ABCA13: variants seen among roughly 807,000 people sequenced by gnomAD.
ABCA13 encodes the protein ATP-binding cassette sub-family A member 13.
ABCA13 carries 476 observed loss-of-function variants against 478.7 expected under a neutral mutation model. The ratio of observed to expected loss-of-function variants is 0.99; its 90% confidence interval spans 0.92 to 1.07. The LOEUF (loss-of-function observed/expected upper bound fraction) is 1.07. Ranked by LOEUF, ABCA13 falls within the 50% of genes least tolerant of loss-of-function variation. The pLI is 0.00. For missense variants in ABCA13, 6,060 were observed against 5,910.6 expected (o/e 1.03, Z -0.83); for synonymous variants, 2,252 against 2,158.9 (o/e 1.04, Z -1.20).
At chr7:48,477,093 A>C (rs62447289) in intron 45 of ABCA13, among the ~76,000 whole-genome samples, 5,289 of 152,272 alleles carry the variant, frequency 0.035, 141 homozygotes, top group South Asian at 0.12. Context: ...GCATTTAAAG[A>C]GTCCAGAGAT....
intron 59 of ABCA13, among the ~76,000 whole-genome samples, chr7:48,624,013 C>G (rs1162487018): frequency 1.3e-5 from 2 of 151,176 alleles, no homozygotes; most frequent in Non-Finnish European, 2.9e-5. Flanking sequence ...TGAAAGAGCC[C>G]TATATGGTAT....
At chr7:48,251,965 T>C (rs906599393) in intron 15 of ABCA13, among the ~76,000 whole-genome samples, 1 of 152,174 alleles carries the variant, frequency 6.6e-6, no homozygotes, top group African/African-American at 2.4e-5. Context: ...CACTTTGTCT[T>C]TGACTTTCAA....
chr7:48,425,383 A>T (rs575242087), intron 41 of ABCA13, among the ~76,000 whole-genome samples: 1 of 152,224 alleles, frequency 6.6e-6, no homozygotes, highest in Non-Finnish European at 1.5e-5. Context: ...CCATTAAATG[A>T]AAATTCCATT....
rs1044928672 is a variant in ABCA13 at position 48,562,108 on chromosome 7, G to C, written c.14355-18116G>C. 8.0e-5 allele frequency among the ~76,000 whole-genome samples: 11 copies of C among 137,220 alleles called. No homozygotes were observed. In the South Asian group the frequency reaches 1.3e-3, roughly 16 times the overall value. 90.0% of individuals were successfully genotyped at this position (137,220 alleles called of 152,430 possible). A position where few individuals can be genotyped will look rare whatever the true frequency, so the allele number is the denominator to read the frequency against. Reference sequence around the variant, plus strand: ...CAGAGGACATATGCATATGTATGGGGGGGGAGGTGGATACAAAGTTTGCCT... The same window carrying C: ...CAGAGGACATATGCATATGTATGGGCGGGGAGGTGGATACAAAGTTTGCCT... On this transcript the variant is annotated intron_variant, in intron 55 of 61. Coordinates refer to ENST00000435803, the MANE Select transcript of ABCA13 (RefSeq NM_152701.5).
chr7:48,288,460 T>C (rs1426816771), intron 20 of ABCA13, among the ~76,000 whole-genome samples: 2 of 152,248 alleles, frequency 1.3e-5, no homozygotes, highest in Non-Finnish European at 2.9e-5. Context: ...TATGTTTTAC[T>C]GTTATCTCTC....
rs1363602442 is a variant in ABCA13 at position 48,198,484 on chromosome 7, A to G, written c.287+124A>G. The G allele has an allele frequency of 8.7e-6, 10 of 1,144,556 alleles. No individual in the cohort carries two copies. In the African/African-American group the frequency reaches 1.1e-4, roughly 13 times the overall value. The allele number at this position is 1,144,556 out of a possible 1,614,324, so 70.9% of individuals were successfully genotyped here. ...AGAGATCATGAGAAGTATAGAAATT[A>G]AAGTTTTATTAAATTCAGAGTCATA... On this transcript the variant is annotated intron_variant, in intron 3 of 61. Coordinates refer to ENST00000435803, the MANE Select transcript of ABCA13 (RefSeq NM_152701.5).
At chr7:48,173,689 A>G (rs950206765) in intron 1 of ABCA13, among the ~76,000 whole-genome samples, 26 of 152,252 alleles carry the variant, frequency 1.7e-4, no homozygotes. Context: ...GGTTCCATGC[A>G]TAGAATTTGG....
At chr7:48,391,169 G>A (rs1815989599) in intron 37 of ABCA13, among the ~76,000 whole-genome samples, 2 of 152,114 alleles carry the variant, frequency 1.3e-5, no homozygotes, top group South Asian at 2.1e-4. Flanking sequence ...CGGGAGCAGC[G>A]GAAAGAAGAC....
chr7:48,389,411 C>T (rs1192085830), intron 37 of ABCA13, among the ~76,000 whole-genome samples, 191 bp downstream of exon 37: 2 of 152,132 alleles, frequency 1.3e-5, no homozygotes, highest in East Asian at 1.9e-4. Flanking sequence ...TGTCTTCAAC[C>T]GCACAGGTGC....
intron 15 of ABCA13, among the ~76,000 whole-genome samples, chr7:48,252,936 GT>G (rs1792797045): frequency 6.6e-6 from 1 of 152,012 alleles, no homozygotes; most frequent in Non-Finnish European, 1.5e-5. Flanking sequence ...CCCAGCTTTT[GT>G]AGCATGGCTT....
intron 15 of ABCA13, among the ~76,000 whole-genome samples, chr7:48,255,678 T>C (rs577053655): frequency 6.6e-6 from 1 of 152,262 alleles, no homozygotes; most frequent in African/African-American, 2.4e-5. Context: ...CATGGGAGTA[T>C]ATGTACCACC....
intron 27 of ABCA13, among the ~76,000 whole-genome samples, chr7:48,325,525 T>C (rs1352340163): frequency 1.3e-5 from 2 of 152,178 alleles, no homozygotes; most frequent in Non-Finnish European, 2.9e-5. Flanking sequence ...TCTTGACATA[T>C]TGAAGAAATC....
At chr7:48,328,936 G>A (rs1381897398) in intron 27 of ABCA13, among the ~76,000 whole-genome samples, 1 of 152,130 alleles carries the variant, frequency 6.6e-6, no homozygotes, top group Non-Finnish European at 1.5e-5. Context: ...TGTTGGGAGT[G>A]TATTCGTGTG....
chr7:48,203,825 G>A (rs1189343862), intron 3 of ABCA13, among the ~76,000 whole-genome samples: 2 of 152,206 alleles, frequency 1.3e-5, no homozygotes, highest in Non-Finnish European at 2.9e-5. Flanking sequence ...CCCACCCTTA[G>A]TCTACAGCAC....
At chr7:48,551,207 A>C (rs1417326480) in intron 55 of ABCA13, among the ~76,000 whole-genome samples, 5 of 151,790 alleles carry the variant, frequency 3.3e-5, no homozygotes, top group Non-Finnish European at 7.4e-5. Flanking sequence ...ACTCCTACTT[A>C]ATATGTGAGC....
At chr7:48,511,262 G>C in intron 51 of ABCA13, 63 bp downstream of exon 51, 1 of 1,389,404 alleles carries the variant, frequency 7.2e-7, no homozygotes, top group South Asian at 1.3e-5. Context: ...AAACCCTCAG[G>C]ATGGCTTTGA....
chr7:48,267,353 A>G (rs994305983), intron 15 of ABCA13, among the ~76,000 whole-genome samples: 1 of 150,620 alleles, frequency 6.6e-6, no homozygotes, highest in Admixed American at 6.6e-5. Flanking sequence ...TAATGTTCAC[A>G]AACATTTAGA....
intron 42 of ABCA13, among the ~76,000 whole-genome samples, chr7:48,443,370 C>T (rs559746309): frequency 6.6e-6 from 1 of 152,292 alleles, no homozygotes; most frequent in South Asian, 2.1e-4. Flanking sequence ...TCTGTGTGTT[C>T]ATGCCACTTG....
chr7:48,356,503 A>T (rs1809946744), intron 31 of ABCA13, among the ~76,000 whole-genome samples: 1 of 151,586 alleles, frequency 6.6e-6, no homozygotes. Flanking sequence ...AGGGGAAGAG[A>T]CCTCAACAAG....
Sources: allele counts gnomAD v4.1 joint callset (sites outside exome capture counted in the v4.1 genomes callset), GRCh38; gene constraint gnomAD v4.1.1; transcripts MANE v1.5; gene names NCBI Gene and HGNC (gene_info 2026-07-23, HGNC 2026-07-21).